MED31: variants seen among roughly 807,000 people sequenced by gnomAD.
MED31 encodes mediator of RNA polymerase II transcription subunit 31.
A neutral mutation model predicts 22.0 loss-of-function variants in MED31; 11 were observed. The observed-to-expected ratio is 0.50, with a 90% CI of 0.31 to 0.83. MED31 has a LOEUF of 0.83. Ranked by LOEUF, MED31 falls within the 40% of genes least tolerant of loss-of-function variation. The probability of loss-of-function intolerance (pLI) is 0.04; values close to 1 mark genes in which losing one functional copy is unlikely to be tolerated. For missense variants in MED31, 122 were observed against 155.3 expected (o/e 0.79, Z 1.14); for synonymous variants, 60 against 55.1 (o/e 1.09, Z -0.40).
chr17:6,649,764 G>A lies in MED31; in HGVS notation c.203+218C>T. ...AAGCTGTTTTGCTTGGTTTGGGTTG[G>A]GGTGGAGATGGGGGCAGGAAGGTAA... On this transcript the variant is annotated intron_variant, in intron 3 of 3. Transcript: ENST00000225728. 4 of 376,318 alleles carry A rather than the reference G, an allele frequency of 1.1e-5. No individual in the cohort carries two copies. The South Asian group carries it at 2.8e-4, about 27-fold the overall frequency. The allele number at this position is 376,318 out of a possible 1,614,324, so 23.3% of individuals were successfully genotyped here. A position where few individuals can be genotyped will look rare whatever the true frequency, so the allele number is the denominator to read the frequency against.
chr17:6,650,942 A>G (rs1972825712), intron 1 of MED31, among the ~76,000 whole-genome samples: 1 of 151,430 alleles, frequency 6.6e-6, no homozygotes, highest in Non-Finnish European at 1.5e-5. Flanking sequence ...ACACAGTGAA[A>G]CCCCGTCTCT....
intron 3 of MED31, among the ~76,000 whole-genome samples, chr17:6,647,413 G>C (rs192027528): frequency 5.9e-5 from 9 of 152,384 alleles, no homozygotes; most frequent in Non-Finnish European, 1.2e-4. Flanking sequence ...AATGACTAAA[G>C]TGTGGAAAAT....
Position 6,650,415 on chromosome 17 carries a change from A to C in MED31, c.47T>G (p.Leu16Arg). 6.2e-7 allele frequency: 1 copy of C among 1,614,158 alleles called. No homozygotes were observed. Among genetic ancestry groups the C allele is most frequent in the African/African-American group, 1.3e-5 (1 of 75,050 alleles). ...AMETDDAGNRLRFQLELEFVQ... is the reference protein window; with the variant it reads ...AMETDDAGNRRRFQLELEFVQ... ...AAATTCCAACTCCAACTGAAACCGAAGTCGATTTCCAGCATCATCTAGGAG... is the reference window on the plus strand; with the variant it reads ...AAATTCCAACTCCAACTGAAACCGACGTCGATTTCCAGCATCATCTAGGAG... The change falls in exon 2 of 4, where the codon CTT becomes CGT. Residue 16 changes from leucine (L) to arginine (R), a missense_variant. Coordinates refer to ENST00000225728, the MANE Select transcript of MED31 (RefSeq NM_016060.3).
At position 6,646,806 on chromosome 17, in the gene MED31, T is replaced by G. The variant is rs142189017; in HGVS notation, c.204-2147A>C. On this transcript the variant is annotated intron_variant, in intron 3 of 3. Transcript: ENST00000225728. ...CAGCCCGACACCTGTAAAGGGTCTG[T>G]GCTGAGGAGGAGTAGTGAAAGAGGG... Among the ~76,000 whole-genome samples, 318 of 152,274 alleles carry G rather than the reference T, an allele frequency of 2.1e-3. 2 individuals carry two copies. Among genetic ancestry groups the G allele is most frequent in the African/African-American group, 7.5e-3 (311 of 41,548 alleles).
chr17:6,646,361 A>T (rs1305111849), intron 3 of MED31, among the ~76,000 whole-genome samples: 2 of 152,246 alleles, frequency 1.3e-5, no homozygotes, highest in African/African-American at 4.8e-5. Context: ...CAGACAATTA[A>T]AATACATTAA....
At chr17:6,646,644 C>T (rs1229499292) in intron 3 of MED31, among the ~76,000 whole-genome samples, 2 of 152,208 alleles carry the variant, frequency 1.3e-5, no homozygotes, top group African/African-American at 4.8e-5. Context: ...TCTCCATTCT[C>T]GATTAACCAG....
intron 3 of MED31, among the ~76,000 whole-genome samples, chr17:6,646,952 G>A (rs186373552): frequency 2.5e-3 from 385 of 152,326 alleles, no homozygotes; most frequent in Non-Finnish European, 3.8e-3. Context: ...GGAGAAAACC[G>A]CCCTGTGGCT....
intron 1 of MED31, among the ~76,000 whole-genome samples, chr17:6,650,698 C>A (rs1000769204): frequency 6.6e-6 from 1 of 152,110 alleles, no homozygotes; most frequent in African/African-American, 2.4e-5. Flanking sequence ...CACTCGTGGG[C>A]CACTATGTAG....
chr17:6,645,998 G>T (rs1421776653), intron 3 of MED31, among the ~76,000 whole-genome samples: 4 of 152,122 alleles, frequency 2.6e-5, no homozygotes, highest in Non-Finnish European at 4.4e-5. Flanking sequence ...CCAGTAGTGG[G>T]ACAAATAGAC....
At position 6,644,314 on chromosome 17, in the gene MED31, T is replaced by TTA; in HGVS notation, c.*152_*153insTA. 1.3e-6 allele frequency: 1 copy of TTA among 792,072 alleles called. No individual in the cohort carries two copies. The highest frequency in any genetic ancestry group is 1.8e-6 in the Non-Finnish European group (1 of 549,174). 49.1% of individuals were successfully genotyped at this position (792,072 alleles called of 1,614,324 possible). On this transcript the variant is annotated 3_prime_UTR_variant, in exon 4 of 4. Transcript: ENST00000225728. ...TTCAGGTTTAACAGAAATAGTCTAT[T>TTA]AACAATAAAAAGTTGGATGAAAAAG...
intron 3 of MED31, among the ~76,000 whole-genome samples, chr17:6,646,010 T>G (rs539435013): frequency 1.3e-5 from 2 of 151,874 alleles, no homozygotes; most frequent in Non-Finnish European, 2.9e-5. Flanking sequence ...CAAATAGACT[T>G]CATGTGACTG....
chr17:6,650,488 T>C, intron 1 of MED31, 55 bp from the exon 2 acceptor site: 1 of 1,502,594 alleles, frequency 6.7e-7, no homozygotes, highest in Non-Finnish European at 9.2e-7. Context: ...TATATAATAC[T>C]GATTTGTAGT....
intron 3 of MED31, among the ~76,000 whole-genome samples, chr17:6,645,388 G>A (rs559989730): frequency 6.6e-6 from 1 of 152,256 alleles, no homozygotes; most frequent in Admixed American, 6.5e-5. Context: ...TACTGACAGG[G>A]CCTAGAAGCA....
chr17:6,651,313 G>A (rs996429921), intron 1 of MED31, 188 bp downstream of exon 1: 3 of 784,780 alleles, frequency 3.8e-6, no homozygotes, highest in Non-Finnish European at 5.9e-6. Flanking sequence ...GCAAAGATGT[G>A]CGAACAAACC....
Position 6,644,046 on chromosome 17 carries a change from TTAGAG to T in MED31, c.*416_*420del, listed in dbSNP as rs1343382723. Reference sequence around the variant, plus strand: ...GTGACTCCGCTACTCTCACTACATCTTAGAGTAGAGTGGTAGAGTAGTTGATCTGA... The same window carrying T: ...GTGACTCCGCTACTCTCACTACATCTTAGAGTGGTAGAGTAGTTGATCTGA... On this transcript the variant is annotated 3_prime_UTR_variant, in exon 4 of 4. Coordinates refer to ENST00000225728, the MANE Select transcript of MED31 (RefSeq NM_016060.3). 8.2e-5 allele frequency: 33 copies of T among 402,854 alleles called. No individual in the cohort carries two copies. Among genetic ancestry groups the T allele is most frequent in the African/African-American group, 4.1e-4 (20 of 48,646 alleles). 25.0% of individuals were successfully genotyped at this position (402,854 alleles called of 1,614,324 possible). A position where few individuals can be genotyped will look rare whatever the true frequency, so the allele number is the denominator to read the frequency against.
At chr17:6,651,112 C>T (rs1439088208) in intron 1 of MED31, among the ~76,000 whole-genome samples, 3 of 17,414 alleles carry the variant, frequency 1.7e-4, no homozygotes, top group African/African-American at 1.9e-3. Flanking sequence ...CAGAGCCAGA[C>T]GCTGTCTCAA....
chr17:6,644,438 T>C lies in MED31; in HGVS notation c.*29A>G. 1 of 1,560,118 alleles carries C rather than the reference T, an allele frequency of 6.4e-7. No homozygotes were observed. The highest frequency in any genetic ancestry group is 1.2e-5 in the South Asian group (1 of 80,830). ...ACAAAAGAAATACATTATATACATGTATTAAGTGCCTCGTTTGTATCCAGT... is the reference window on the plus strand; with the variant it reads ...ACAAAAGAAATACATTATATACATGCATTAAGTGCCTCGTTTGTATCCAGT... On this transcript the variant is annotated 3_prime_UTR_variant, in exon 4 of 4. Transcript: ENST00000225728.
chr17:6,649,553 G>C (rs1972805775), intron 3 of MED31, among the ~76,000 whole-genome samples: 1 of 152,172 alleles, frequency 6.6e-6, no homozygotes, highest in South Asian at 2.1e-4. Flanking sequence ...CAGAAACCTG[G>C]TGAGATGGGA....
chr17:6,651,011 C>A (rs1465567265), intron 1 of MED31, among the ~76,000 whole-genome samples: 1 of 149,774 alleles, frequency 6.7e-6, no homozygotes, highest in Non-Finnish European at 1.5e-5. Context: ...GTCCCAGCTA[C>A]TTGAGAGGCT....
Sources: allele counts gnomAD v4.1 joint callset (sites outside exome capture counted in the v4.1 genomes callset), GRCh38; gene constraint gnomAD v4.1.1; transcripts MANE v1.5; gene names NCBI Gene and HGNC (gene_info 2026-07-23, HGNC 2026-07-21).